The following STAG1 variants were observed in gnomAD, a reference collection of about 807,000 sequenced individuals.
STAG1 encodes the protein cohesin subunit SA-1.
STAG1 carries 26 observed loss-of-function variants against 170.9 expected under a neutral mutation model. The observed-to-expected ratio is 0.15, with a 90% CI of 0.11 to 0.21. The LOEUF (loss-of-function observed/expected upper bound fraction) is 0.21, where lower values mean the gene tolerates loss of function less well. STAG1 is among the 10% of genes least tolerant of loss of function. STAG1 has a pLI of 1.00. For synonymous variants in STAG1, 514 were observed against 497.7 expected (o/e 1.03, Z -0.44); for missense variants, 964 against 1,509.5 (o/e 0.64, Z 5.99).
intron 1 of STAG1, among the ~76,000 whole-genome samples, chr3:136,707,753 G>A (rs1026184508): frequency 1.3e-5 from 2 of 152,096 alleles, no homozygotes; most frequent in African/African-American, 4.8e-5. Context: ...ACTCTTGCCG[G>A]AATTAATCCA....
rs141146689 is a variant in STAG1 at position 136,464,965 on chromosome 3, T to A, written c.1229A>T (p.Asn410Ile). 16 of 1,609,852 alleles carry A rather than the reference T, an allele frequency of 9.9e-6. No homozygotes were observed. In the East Asian group the frequency reaches 3.1e-4, roughly 31 times the overall value. Residue 410 changes from asparagine (N) to isoleucine (I), a missense_variant, in exon 13 of 34, where the codon AAT becomes ATT. Around this residue, in one of 11 missense-constraint regions of STAG1, gnomAD observed 162 missense variants for 211.2 expected, o/e 0.77. Coordinates refer to ENST00000383202, the MANE Select transcript of STAG1 (RefSeq NM_005862.3). ...ILHGSEEALS[N>I]EDCENVYHLV... is the part of the protein sequence containing the mutation. Reference sequence around the variant, plus strand: ...GTGGTAAACATTTTCACAGTCTTCATTGGAAAGAGCTTCTTCACTTCCACT... The same window carrying A: ...GTGGTAAACATTTTCACAGTCTTCAATGGAAAGAGCTTCTTCACTTCCACT...
rs114336255 is a variant in STAG1 at position 136,378,768 on chromosome 3, A to G, written c.2278-1016T>C. Among the ~76,000 whole-genome samples, 478 of 152,344 alleles carry G rather than the reference A, an allele frequency of 3.1e-3. 6 individuals are homozygous for G. Among genetic ancestry groups the G allele is most frequent in the African/African-American group, 0.011 (461 of 41,576 alleles). ...ATTTACATTGATCCTAAGAAACAGTAATTATTAGCGAGGGGTTGAAACTAG... is the reference window on the plus strand; with the variant it reads ...ATTTACATTGATCCTAAGAAACAGTGATTATTAGCGAGGGGTTGAAACTAG... On this transcript the variant is annotated intron_variant, in intron 22 of 33. Transcript: ENST00000383202.
chr3:136,412,885 C>T (rs1243457346), intron 21 of STAG1, among the ~76,000 whole-genome samples: 4 of 149,052 alleles, frequency 2.7e-5, no homozygotes, highest in South Asian at 4.2e-4. Context: ...TTTTTGAGAC[C>T]GAATCTTGTT....
At position 136,624,816 on chromosome 3, in the gene STAG1, G is replaced by A. The variant is rs186990313; in HGVS notation, c.30-1568C>T. Among the ~76,000 whole-genome samples, 279 of 152,216 alleles carry A rather than the reference G, an allele frequency of 1.8e-3. 7 individuals carry two copies. The East Asian group carries it at 0.045, about 25-fold the overall frequency. ...CAAAGTGGCATAACCAAAGTGAGGT[G>A]GGAAGTGACAAACAGTAGTACAGCA... On this transcript the variant is annotated intron_variant, in intron 2 of 33. Transcript: ENST00000383202.
intron 1 of STAG1, among the ~76,000 whole-genome samples, chr3:136,700,360 T>G (rs1943017651): frequency 6.6e-6 from 1 of 151,618 alleles, no homozygotes; most frequent in South Asian, 2.1e-4. Context: ...ATTTAATCTT[T>G]TAAACTCATT....
chr3:136,571,786 C>G (rs535764864), intron 4 of STAG1, among the ~76,000 whole-genome samples: 8 of 152,074 alleles, frequency 5.3e-5, no homozygotes, highest in Admixed American at 5.2e-4. Context: ...AAAGCTGAGG[C>G]AGGAGGATCA....
At chr3:136,526,062 T>C (rs939609333) in intron 6 of STAG1, among the ~76,000 whole-genome samples, 2 of 152,224 alleles carry the variant, frequency 1.3e-5, no homozygotes, top group Admixed American at 6.5e-5. Context: ...CTGAGAAGAA[T>C]GTATATTCTG....
intron 12 of STAG1, 30 bp downstream of exon 12, chr3:136,472,383 A>C (rs1378091823): frequency 6.6e-7 from 1 of 1,522,538 alleles, no homozygotes; most frequent in African/African-American, 1.4e-5. Flanking sequence ...AAATATCAAT[A>C]AAGTTAAAAT....
intron 7 of STAG1, chr3:136,518,523 T>A (rs2107899872): frequency 1.6e-6 from 1 of 624,780 alleles, no homozygotes; most frequent in South Asian, 1.8e-5. Flanking sequence ...AAAAGAGGGA[T>A]AATTGTTGTC....
intron 4 of STAG1, among the ~76,000 whole-genome samples, chr3:136,574,127 G>C (rs780067830): frequency 4.6e-5 from 7 of 152,004 alleles, no homozygotes; most frequent in Non-Finnish European, 7.4e-5. Context: ...TATAGTCCCA[G>C]CTACTCGGGA....
chr3:136,511,546 A>G (rs1215157837), intron 7 of STAG1, among the ~76,000 whole-genome samples: 1 of 152,220 alleles, frequency 6.6e-6, no homozygotes, highest in East Asian at 1.9e-4. Context: ...TAATGCAGGA[A>G]AGGAAAACCA....
intron 30 of STAG1, 93 bp downstream of exon 30, chr3:136,343,739 G>T: frequency 3.0e-6 from 3 of 1,007,358 alleles, no homozygotes; most frequent in Middle Eastern, 3.2e-4. Flanking sequence ...GAACTGACCA[G>T]CAATATGTTC....
chr3:136,633,474 T>TG (rs1314081231), intron 1 of STAG1, among the ~76,000 whole-genome samples: 3 of 150,826 alleles, frequency 2.0e-5, no homozygotes, highest in Non-Finnish European at 3.0e-5. Flanking sequence ...CTGAGGCAGG[T>TG]GGATCACTTG....
chr3:136,411,102 C>A (rs1350958561), intron 21 of STAG1, among the ~76,000 whole-genome samples: 1 of 152,124 alleles, frequency 6.6e-6, no homozygotes, highest in Non-Finnish European at 1.5e-5. Flanking sequence ...ATCCTGATGA[C>A]TTGAGAGGCC....
At chr3:136,747,058 T>C (rs1368696165) in intron 1 of STAG1, among the ~76,000 whole-genome samples, 1 of 129,208 alleles carries the variant, frequency 7.7e-6, no homozygotes, top group East Asian at 2.3e-4. Context: ...ATTGCACCAC[T>C]GCACTCCAGC....
At chr3:136,395,375 T>C (rs1419788518) in intron 22 of STAG1, among the ~76,000 whole-genome samples, 1 of 151,884 alleles carries the variant, frequency 6.6e-6, no homozygotes, top group Non-Finnish European at 1.5e-5. Flanking sequence ...GTAATCCCAA[T>C]ACTTTGGGAG....
rs946280356 is a variant in STAG1 at position 136,419,615 on chromosome 3, T to C, written c.2108+1478A>G. Among the ~76,000 whole-genome samples the C allele has an allele frequency of 3.2e-5, 4 of 124,534 alleles. No homozygotes were observed. In the Admixed American group the frequency reaches 3.6e-4, roughly 11 times the overall value. The allele number at this position is 124,534 out of a possible 152,430, so 81.7% of individuals were successfully genotyped here. A position where few individuals can be genotyped will look rare whatever the true frequency, so the allele number is the denominator to read the frequency against. Reference sequence around the variant, plus strand: ...GTGTGCCACCATGCCCGGCTAATTTTTGTGTGTGTTTTTTTTTTTTTTTTT... The same window carrying C: ...GTGTGCCACCATGCCCGGCTAATTTCTGTGTGTGTTTTTTTTTTTTTTTTT... On this transcript the variant is annotated intron_variant, in intron 20 of 33. Transcript: ENST00000383202.
At chr3:136,619,755 T>G (rs1232156785) in intron 3 of STAG1, among the ~76,000 whole-genome samples, 2 of 20,042 alleles carry the variant, frequency 1.0e-4, no homozygotes, top group African/African-American at 3.5e-4. Context: ...AGACTCTGTC[T>G]CAAAAAAAAA....
chr3:136,556,460 T>C (rs1936619406), intron 5 of STAG1, among the ~76,000 whole-genome samples: 1 of 152,166 alleles, frequency 6.6e-6, no homozygotes, highest in African/African-American at 2.4e-5. Context: ...ACAAAGACTT[T>C]CCAGTCCAAA....
Sources: allele counts gnomAD v4.1 joint callset (sites outside exome capture counted in the v4.1 genomes callset), GRCh38; gene constraint gnomAD v4.1.1; regional missense constraint gnomAD v4.1.1; transcripts MANE v1.5; gene names NCBI Gene and HGNC (gene_info 2026-07-23, HGNC 2026-07-21).